The following CACNA2D3 variants were observed in gnomAD, a reference collection of about 807,000 sequenced individuals.
CACNA2D3 encodes voltage-dependent calcium channel subunit alpha-2/delta-3.
Under a neutral mutation model 160.6 loss-of-function variants are expected in CACNA2D3, and 60 were observed. That is an observed-to-expected ratio of 0.37 (90% CI 0.30 to 0.46). The LOEUF is 0.46. Ranked by LOEUF, CACNA2D3 falls within the 20% of genes least tolerant of loss-of-function variation. CACNA2D3 has a pLI of 1.00. For synonymous variants in CACNA2D3, 558 were observed against 492.9 expected, an observed-to-expected ratio of 1.13 and a Z score of -1.75; for missense variants, 1,205 against 1,365.0, an observed-to-expected ratio of 0.88 and a Z score of 1.85.
chr3:54,236,705 C>T (rs986675749), intron 2 of CACNA2D3, among the ~76,000 whole-genome samples: 3 of 152,132 alleles, frequency 2.0e-5, no homozygotes, highest in African/African-American at 7.2e-5. Context: ...GTTTGAAATA[C>T]CATTGTTCCA....
chr3:55,073,378 A>C (rs1575463307), intron 35 of CACNA2D3, 67 bp from the exon 36 acceptor site: 3 of 1,179,724 alleles, frequency 2.5e-6, no homozygotes, highest in Non-Finnish European at 3.8e-6. Context: ...CCAGGAGAGA[A>C]GTCTTCCTCA....
intron 4 of CACNA2D3, among the ~76,000 whole-genome samples, chr3:54,410,891 T>C (rs1699656734): frequency 6.6e-6 from 1 of 152,154 alleles, no homozygotes; most frequent in Admixed American, 6.5e-5. Flanking sequence ...TTGGAAAGGA[T>C]TCACCATTCT....
chr3:54,768,342 C>G (rs1227937495), intron 13 of CACNA2D3, among the ~76,000 whole-genome samples: 1 of 152,122 alleles, frequency 6.6e-6, no homozygotes, highest in Non-Finnish European at 1.5e-5. Flanking sequence ...ATTGTTTTGA[C>G]CAGGGACACA....
rs1265861057 is a variant in CACNA2D3 at position 54,690,496 on chromosome 3, T to C, written c.1167+48255T>C. Among the ~76,000 whole-genome samples, 3 of 152,142 alleles carry C rather than the reference T, an allele frequency of 2.0e-5. No individual in the cohort carries two copies. The East Asian group carries it at 5.8e-4, about 29-fold the overall frequency. On this transcript the variant is annotated intron_variant, in intron 11 of 37. Coordinates refer to ENST00000474759, the MANE Select transcript of CACNA2D3 (RefSeq NM_018398.3). ...AATAAATATCTGCTGAATGAATCAT[T>C]ATCATCATCATCATCATTACTTTTA...
At chr3:54,891,151 G>GT (rs1282427013) in intron 24 of CACNA2D3, among the ~76,000 whole-genome samples, 1 of 151,084 alleles carries the variant, frequency 6.6e-6, no homozygotes, top group East Asian at 2.0e-4. Context: ...GAAAACTTTT[G>GT]TAAGGGATAC....
intron 35 of CACNA2D3, among the ~76,000 whole-genome samples, chr3:55,068,539 A>T (rs1704721144): frequency 6.6e-6 from 1 of 152,090 alleles, no homozygotes; most frequent in South Asian, 2.1e-4. Context: ...CATCTCATTT[A>T]TTTTTCTTGT....
At chr3:54,835,843 G>A (rs1698665275) in intron 14 of CACNA2D3, among the ~76,000 whole-genome samples, 1 of 152,300 alleles carries the variant, frequency 6.6e-6, no homozygotes, top group East Asian at 1.9e-4. Flanking sequence ...GTGTGACCTC[G>A]AAGGCAGAGA....
intron 11 of CACNA2D3, among the ~76,000 whole-genome samples, chr3:54,750,905 G>T (rs1278615523): frequency 6.6e-6 from 1 of 152,004 alleles, no homozygotes; most frequent in Non-Finnish European, 1.5e-5. Flanking sequence ...GAGTAGCTGG[G>T]ACTACAGATG....
chr3:54,881,668 G>C (rs907496105), intron 21 of CACNA2D3, among the ~76,000 whole-genome samples: 1 of 152,186 alleles, frequency 6.6e-6, no homozygotes, highest in African/African-American at 2.4e-5. Context: ...AGGTCATTAG[G>C]TTTTGCATGT....
At chr3:54,867,399 G>C (rs1205674231) in intron 17 of CACNA2D3, among the ~76,000 whole-genome samples, 1 of 152,044 alleles carries the variant, frequency 6.6e-6, no homozygotes, top group Non-Finnish European at 1.5e-5. Flanking sequence ...GGAAGCACCA[G>C]TGTTTGTGAA....
At chr3:54,322,675 G>A (rs1475716241) in intron 3 of CACNA2D3, among the ~76,000 whole-genome samples, 1 of 152,108 alleles carries the variant, frequency 6.6e-6, no homozygotes, top group Non-Finnish European at 1.5e-5. Flanking sequence ...TGGTTAAAGG[G>A]CCTTCTAATC....
chr3:54,711,913 T>C (rs112747577), intron 11 of CACNA2D3, among the ~76,000 whole-genome samples: 5 of 152,248 alleles, frequency 3.3e-5, no homozygotes, highest in African/African-American at 1.2e-4. Flanking sequence ...CTCCCTCCCT[T>C]CCCTTTAAAT....
intron 29 of CACNA2D3, among the ~76,000 whole-genome samples, chr3:54,981,269 T>A (rs954384474): frequency 6.6e-6 from 1 of 152,132 alleles, no homozygotes. Context: ...TTTATGGGAG[T>A]CCTAGGCTCG....
chr3:54,864,629 G>C (rs2106807461), intron 17 of CACNA2D3, among the ~76,000 whole-genome samples: 1 of 152,268 alleles, frequency 6.6e-6, no homozygotes, highest in South Asian at 2.1e-4. Flanking sequence ...TTCAGGGCAG[G>C]CCAAATGAGT....
At chr3:54,172,486 A>T (rs938522561) in intron 2 of CACNA2D3, among the ~76,000 whole-genome samples, 5 of 152,186 alleles carry the variant, frequency 3.3e-5, no homozygotes, top group Non-Finnish European at 5.9e-5. Flanking sequence ...CACTACATAT[A>T]GGTGGGGATG....
chr3:54,304,215 A>T (rs976868819), intron 2 of CACNA2D3, among the ~76,000 whole-genome samples: 6 of 152,126 alleles, frequency 3.9e-5, no homozygotes, highest in African/African-American at 1.4e-4. Context: ...TCCCTGCAGG[A>T]CAGAATGGTC....
At chr3:54,404,735 A>G (rs1699540809) in intron 4 of CACNA2D3, among the ~76,000 whole-genome samples, 1 of 152,086 alleles carries the variant, frequency 6.6e-6, no homozygotes, top group Non-Finnish European at 1.5e-5. Flanking sequence ...GAAAACCCCA[A>G]AGACTCCACC....
intron 35 of CACNA2D3, among the ~76,000 whole-genome samples, chr3:55,050,223 A>G (rs2107203828): frequency 1.3e-5 from 2 of 149,778 alleles, no homozygotes; most frequent in South Asian, 4.3e-4. Flanking sequence ...TTTTGGCATG[A>G]TTTTGCAGCG....
chr3:54,618,374 T>TATATATATATATATATATATACAC, intron 9 of CACNA2D3, among the ~76,000 whole-genome samples: 2 of 54,586 alleles, frequency 3.7e-5, no homozygotes, highest in African/African-American at 2.3e-4. Flanking sequence ...TATATATATA[T>TATATATATATATATATATATACAC]GCACACACAC....
Sources: gnomAD v4.1 joint callset for allele counts (sites outside exome capture counted in the v4.1 genomes callset) on GRCh38, gnomAD v4.1.1 for gene constraint, MANE v1.5 for transcripts, NCBI Gene and HGNC (gene_info 2026-07-23, HGNC 2026-07-21) for gene names.